NALCN: variants seen among roughly 807,000 people sequenced by gnomAD.
NALCN encodes the protein sodium leak channel, non-selective, also known as sodium leak channel NALCN.
NALCN carries 111 observed loss-of-function variants against 225.3 expected under a neutral mutation model. The ratio of observed to expected loss-of-function variants is 0.49; its 90% CI spans 0.42 to 0.58. The LOEUF is 0.58. Ranked by LOEUF, NALCN falls within the 20% of genes least tolerant of loss-of-function variation. The pLI, the probability that NALCN is intolerant of heterozygous loss-of-function variation, is 0.00. For missense variants in NALCN, 1,378 were observed against 2,202.4 expected, an observed-to-expected ratio of 0.63 and a Z score of 7.49; for synonymous variants, 764 against 769.0, an observed-to-expected ratio of 0.99 and a Z score of 0.11.
At chr13:101,261,293 A>C (rs1047939342) in intron 10 of NALCN, among the ~76,000 whole-genome samples, 2 of 152,170 alleles carry the variant, frequency 1.3e-5, no homozygotes, top group Non-Finnish European at 2.9e-5. Flanking sequence ...AAGTCAGGTA[A>C]TGTGATTCCC....
At chr13:101,297,693 G>A (rs1195543135) in intron 7 of NALCN, among the ~76,000 whole-genome samples, 2 of 152,230 alleles carry the variant, frequency 1.3e-5, no homozygotes, top group East Asian at 3.9e-4. Flanking sequence ...TGTGTTACTC[G>A]GGTCATCCTG....
intron 17 of NALCN, 50 bp downstream of exon 17, chr13:101,143,030 A>G (rs1381648098): frequency 4.3e-6 from 7 of 1,612,478 alleles, no homozygotes; most frequent in Non-Finnish European, 5.9e-6. Context: ...TTCTTTTCTC[A>G]AACATAGATG....
intron 15 of NALCN, among the ~76,000 whole-genome samples, chr13:101,171,445 A>T (rs973089107): frequency 2.6e-5 from 4 of 151,638 alleles, no homozygotes; most frequent in South Asian, 2.1e-4. Flanking sequence ...ACACATATAT[A>T]TTTTTTTCCG....
intron 3 of NALCN, among the ~76,000 whole-genome samples, chr13:101,389,741 G>A (rs1242006578): frequency 6.6e-6 from 1 of 152,140 alleles, no homozygotes; most frequent in Non-Finnish European, 1.5e-5. Context: ...CCAAACAAAC[G>A]GATCATGATG....
chr13:101,176,010 TC>T (rs2038942314), intron 15 of NALCN, among the ~76,000 whole-genome samples: 1 of 152,210 alleles, frequency 6.6e-6, no homozygotes, highest in African/African-American at 2.4e-5. Context: ...CAAACAACCT[TC>T]ATTTAATGGC....
At chr13:101,071,800 C>T (rs1437648714) in intron 37 of NALCN, among the ~76,000 whole-genome samples, 2 of 152,182 alleles carry the variant, frequency 1.3e-5, no homozygotes, top group African/African-American at 4.8e-5. Flanking sequence ...AGCTTTTGGG[C>T]TAACTCAGCT....
chr13:101,345,682 C>G (rs1379230740), intron 6 of NALCN, among the ~76,000 whole-genome samples: 1 of 128,968 alleles, frequency 7.8e-6, no homozygotes, highest in Non-Finnish European at 1.6e-5. Context: ...CTCTTTCTAT[C>G]TATCTATCTA....
chr13:101,330,189 T>C (rs1176219530), intron 7 of NALCN, among the ~76,000 whole-genome samples: 1 of 151,766 alleles, frequency 6.6e-6, no homozygotes, highest in Non-Finnish European at 1.5e-5. Flanking sequence ...CACAAGGAAA[T>C]AGATAAAAGA....
At chr13:101,134,873 A>T (rs906127577) in intron 17 of NALCN, among the ~76,000 whole-genome samples, 1 of 152,216 alleles carries the variant, frequency 6.6e-6, no homozygotes, top group Non-Finnish European at 1.5e-5. Context: ...AAATTTAGAT[A>T]GGTTTAATAT....
intron 41 of NALCN, among the ~76,000 whole-genome samples, chr13:101,060,787 A>G (rs680013): frequency 0.12 from 18,392 of 152,148 alleles, 1,765 homozygotes; most frequent in African/African-American, 0.27. Context: ...CAGGAGACCA[A>G]TCTGTCTCGG....
intron 10 of NALCN, among the ~76,000 whole-genome samples, chr13:101,271,717 A>G (rs1227488990): frequency 6.8e-6 from 1 of 147,990 alleles, no homozygotes; most frequent in Non-Finnish European, 1.5e-5. Context: ...TAAGCATGTA[A>G]ATGTCTGTGT....
At chr13:101,073,480 A>G in intron 37 of NALCN, 104 bp downstream of exon 37, 1 of 860,102 alleles carries the variant, frequency 1.2e-6, no homozygotes, top group Non-Finnish European at 1.8e-6. Flanking sequence ...TATATTTCAT[A>G]CATAAAGTCT....
chr13:101,378,655 TAA>T lies in NALCN; in HGVS notation c.292-4_292-3del. On this transcript the variant is annotated splice_region_variant and splice_polypyrimidine_tract_variant and intron_variant, in intron 3 of 43. Coordinates refer to ENST00000251127, the MANE Select transcript of NALCN (RefSeq NM_052867.4). ...ATCTTTCACATAGGAACTATCCCCC[TAA>T]AAATAAATTTTACATGGCATTATTA... 6.2e-7 allele frequency: 1 copy of T among 1,605,782 alleles called. No individual in the cohort carries two copies. The highest frequency in any genetic ancestry group is 1.1e-5 in the South Asian group (1 of 89,102).
intron 7 of NALCN, among the ~76,000 whole-genome samples, chr13:101,332,508 C>T (rs1235768759): frequency 3.3e-5 from 5 of 150,906 alleles, no homozygotes; most frequent in African/African-American, 1.2e-4. Context: ...GGTTTTATGT[C>T]CAATCAATAC....
At chr13:101,255,842 C>T (rs7335296) in intron 11 of NALCN, among the ~76,000 whole-genome samples, 71,681 of 152,010 alleles carry the variant, frequency 0.47, 18,763 homozygotes, top group East Asian at 0.58. Flanking sequence ...AACATGTAGA[C>T]GAGGAAGAGG....
In NALCN at chr13:101,104,564, G is replaced by A. The variant is rs370644253; in HGVS notation, c.2723C>T (p.Pro908Leu). ...CSCISMMFES[P>L]FRRVMHAPTL... ...AGGTGCATGCATGACTCTTCGAAAC[G>A]GGGACTCAAACATCATGGAAATGCA... The change falls in exon 24 of 44, where the codon CCG (proline) becomes CTG (leucine). Residue 908 changes from proline (P) to leucine (L), a missense_variant. By Grantham distance (98) the Pro-to-Leu change is moderately conservative. Coordinates refer to ENST00000251127, the MANE Select transcript of NALCN (RefSeq NM_052867.4). The surrounding 1 kb of genome is among the most constrained non-coding windows in gnomAD (Gnocchi z 4.2). 8.1e-6 allele frequency: 13 copies of A among 1,613,940 alleles called. No homozygotes were observed. The highest frequency in any genetic ancestry group is 1.1e-5 in the Non-Finnish European group (13 of 1,179,916).
At chr13:101,298,097 G>C (rs1036149847) in intron 7 of NALCN, among the ~76,000 whole-genome samples, 1 of 152,174 alleles carries the variant, frequency 6.6e-6, no homozygotes, top group Non-Finnish European at 1.5e-5. Flanking sequence ...TTTAACTGTG[G>C]AAGTGTATGA....
intron 6 of NALCN, among the ~76,000 whole-genome samples, chr13:101,352,942 G>A (rs553175782): frequency 1.2e-3 from 189 of 152,176 alleles, no homozygotes; most frequent in Non-Finnish European, 1.7e-3. Context: ...TTCTGAAGTC[G>A]GCATTCCATA....
chr13:101,097,377 T>A (rs764230331), intron 27 of NALCN, among the ~76,000 whole-genome samples: 1 of 152,204 alleles, frequency 6.6e-6, no homozygotes, highest in Non-Finnish European at 1.5e-5. Context: ...TACCTTTTTA[T>A]GTAGAACATT....
Sources: allele counts gnomAD v4.1 joint callset (sites outside exome capture counted in the v4.1 genomes callset), GRCh38; gene constraint gnomAD v4.1.1; non-coding constraint Gnocchi (gnomAD v3.1); transcripts MANE v1.5; gene names NCBI Gene and HGNC (gene_info 2026-07-23, HGNC 2026-07-21).